The following PLEKHM3 variants were observed in gnomAD, a reference collection of about 807,000 sequenced individuals.
The protein encoded by PLEKHM3 is pleckstrin homology domain-containing family M member 3.
Under a neutral mutation model 81.8 loss-of-function variants are expected in PLEKHM3, and 45 were observed. The observed-to-expected ratio is 0.55, with a 90% CI of 0.43 to 0.71. PLEKHM3 has a LOEUF of 0.71. PLEKHM3 is among the 30% of genes least tolerant of loss of function. PLEKHM3 has a pLI of 0.00. For missense variants in PLEKHM3, 788 were observed against 924.3 expected, an observed-to-expected ratio of 0.85 and a Z score of 1.91; for synonymous variants, 352 against 356.4, an observed-to-expected ratio of 0.99 and a Z score of 0.14.
At chr2:207,896,232 T>C (rs1688218733) in intron 6 of PLEKHM3, among the ~76,000 whole-genome samples, 1 of 152,198 alleles carries the variant, frequency 6.6e-6, no homozygotes, top group Non-Finnish European at 1.5e-5. Context: ...GAAACTGGGA[T>C]TCGAGAAGTA....
intron 6 of PLEKHM3, among the ~76,000 whole-genome samples, chr2:207,867,397 T>C (rs982524902): frequency 6.6e-6 from 1 of 152,240 alleles, no homozygotes; most frequent in Non-Finnish European, 1.5e-5. Flanking sequence ...AAGTTTATTT[T>C]AGAATTTACA....
chr2:207,829,155 A>G (rs918149065), intron 7 of PLEKHM3, among the ~76,000 whole-genome samples: 1 of 152,250 alleles, frequency 6.6e-6, no homozygotes, highest in Admixed American at 6.5e-5. Context: ...TTTTCAAACA[A>G]TATGACAGAT....
At chr2:207,935,071 G>A in intron 4 of PLEKHM3, among the ~76,000 whole-genome samples, 1 of 152,080 alleles carries the variant, frequency 6.6e-6, no homozygotes, top group East Asian at 1.9e-4. Context: ...AATAAAACAC[G>A]AATAAGAAGG....
At position 207,880,762 on chromosome 2, in the gene PLEKHM3, C is replaced by CA. The variant is rs61384566; in HGVS notation, c.1951-19501dup. ...TGGGAGACACAGCGAGACTCTGTCTCAAAAAAAAAAAAAAAAAAAAAAAAA... is the reference window on the plus strand; with the variant it reads ...TGGGAGACACAGCGAGACTCTGTCTCAAAAAAAAAAAAAAAAAAAAAAAAAA... On this transcript the variant is annotated intron_variant, in intron 6 of 7. Coordinates refer to ENST00000427836, the MANE Select transcript of PLEKHM3 (RefSeq NM_001080475.3). 1.1e-3 allele frequency among the ~76,000 whole-genome samples: 8 copies of CA among 6,964 alleles called. 2 individuals are homozygous for CA. The highest frequency in any genetic ancestry group is 1.9e-3 in the African/African-American group (7 of 3,714). The allele number at this position is 6,964 out of a possible 152,430, so 4.6% of individuals were successfully genotyped here.
intron 4 of PLEKHM3, among the ~76,000 whole-genome samples, chr2:207,945,863 T>C (rs1690106406): frequency 6.6e-6 from 1 of 150,796 alleles, no homozygotes; most frequent in Non-Finnish European, 1.5e-5. Context: ...ATCATGCCAC[T>C]GCACTCCAGC....
At chr2:207,965,238 T>C (rs1314450356) in intron 3 of PLEKHM3, among the ~76,000 whole-genome samples, 1 of 152,172 alleles carries the variant, frequency 6.6e-6, no homozygotes, top group Non-Finnish European at 1.5e-5. Context: ...GAAGTCAATG[T>C]GGAATCCAAT....
At chr2:207,866,187 G>A (rs1187448470) in intron 6 of PLEKHM3, among the ~76,000 whole-genome samples, 1 of 151,852 alleles carries the variant, frequency 6.6e-6, no homozygotes, top group African/African-American at 2.4e-5. Context: ...ATGGAGTCTT[G>A]CTCTGTCACC....
intron 6 of PLEKHM3, among the ~76,000 whole-genome samples, chr2:207,892,232 A>T (rs1327086718): frequency 1.3e-5 from 2 of 152,178 alleles, no homozygotes; most frequent in Non-Finnish European, 2.9e-5. Flanking sequence ...TAGACTCCGT[A>T]AGTCATGCAG....
At position 207,825,508 on chromosome 2, in the gene PLEKHM3, T is replaced by C. The variant is rs951241097; in HGVS notation, c.*2811A>G. 1 of 152,150 alleles carries C rather than the reference T, an allele frequency of 6.6e-6. No individual in the cohort carries two copies. The highest frequency in any genetic ancestry group is 2.4e-5 in the African/African-American group (1 of 41,426). The allele number at this position is 152,150 out of a possible 1,614,324, so 9.4% of individuals were successfully genotyped here. A position where few individuals can be genotyped will look rare whatever the true frequency, so the allele number is the denominator to read the frequency against. On this transcript the variant is annotated 3_prime_UTR_variant, in exon 8 of 8. Transcript: ENST00000427836. ...CACAGATTTGCTTTTGTTTCGACAGTTTCTAAGCAGTGGAACAATTACCTA... is the reference window on the plus strand; with the variant it reads ...CACAGATTTGCTTTTGTTTCGACAGCTTCTAAGCAGTGGAACAATTACCTA...
chr2:207,899,188 G>T (rs1688340094), intron 6 of PLEKHM3, among the ~76,000 whole-genome samples: 1 of 152,204 alleles, frequency 6.6e-6, no homozygotes, highest in African/African-American at 2.4e-5. Flanking sequence ...TTACATTTCT[G>T]AATTGGGTGA....
At chr2:207,939,504 G>A (rs1689865094) in intron 4 of PLEKHM3, among the ~76,000 whole-genome samples, 1 of 152,162 alleles carries the variant, frequency 6.6e-6, no homozygotes, top group South Asian at 2.1e-4. Context: ...CAGGGACTAA[G>A]GATCACGAAG....
At position 207,866,258 on chromosome 2, in the gene PLEKHM3, C is replaced by T. The variant is rs150517491; in HGVS notation, c.1951-4996G>A. Among the ~76,000 whole-genome samples the T allele has an allele frequency of 4.0e-3, 615 of 152,154 alleles. 6 individuals carry two copies. Among genetic ancestry groups the T allele is most frequent in the South Asian group, 0.025 (120 of 4,818 alleles). On this transcript the variant is annotated intron_variant, in intron 6 of 7. Coordinates refer to ENST00000427836, the MANE Select transcript of PLEKHM3 (RefSeq NM_001080475.3). ...GCAACCTCTGCCTCCCAGCTTCAAG[C>T]GATTCTCCTGCCTCAGCCTCCCAAG...
intron 4 of PLEKHM3, among the ~76,000 whole-genome samples, chr2:207,932,570 G>A (rs1689629789): frequency 6.6e-6 from 1 of 152,110 alleles, no homozygotes; most frequent in African/African-American, 2.4e-5. Context: ...AGATATATAG[G>A]ATACAGTTCC....
rs766527165 is a variant in PLEKHM3, at chr2:208,001,489, G to A, written c.151C>T (p.Leu51Phe). Residue 51 changes from leucine (L) to phenylalanine (F), a missense_variant, in exon 2 of 8, where the codon CTC (leucine) becomes TTC (phenylalanine). Coordinates refer to ENST00000427836, the MANE Select transcript of PLEKHM3 (RefSeq NM_001080475.3). ...EVPELVGHEVLSNITDNGAMR... is the reference protein window; with the variant it reads ...EVPELVGHEVFSNITDNGAMR... Reference sequence around the variant, plus strand: ...GCACCATTGTCTGTTATGTTACTGAGTACCTCATGCCCCACCAGTTCAGGG... The same window carrying A: ...GCACCATTGTCTGTTATGTTACTGAATACCTCATGCCCCACCAGTTCAGGG... 1.2e-6 allele frequency: 2 copies of A among 1,614,166 alleles called. No individual in the cohort carries two copies. Among genetic ancestry groups the A allele is most frequent in the Non-Finnish European group, 1.7e-6 (2 of 1,180,036 alleles).
At chr2:208,010,540 G>A (rs1441328209) in intron 1 of PLEKHM3, among the ~76,000 whole-genome samples, 1 of 152,108 alleles carries the variant, frequency 6.6e-6, no homozygotes, top group Non-Finnish European at 1.5e-5. Flanking sequence ...CTTTATCTTG[G>A]GACTGAGAGG....
intron 6 of PLEKHM3, among the ~76,000 whole-genome samples, chr2:207,866,824 C>T (rs996989241): frequency 6.6e-6 from 1 of 152,188 alleles, no homozygotes; most frequent in Non-Finnish European, 1.5e-5. Context: ...CTACTTCAGA[C>T]ACCATAAATC....
intron 6 of PLEKHM3, among the ~76,000 whole-genome samples, chr2:207,875,328 C>T (rs2092555002): frequency 6.6e-6 from 1 of 152,074 alleles, no homozygotes; most frequent in Non-Finnish European, 1.5e-5. Flanking sequence ...ATGGAAAAAA[C>T]ACAAATTAAA....
chr2:208,023,345 T>C (rs1344909263), intron 1 of PLEKHM3, among the ~76,000 whole-genome samples: 3 of 152,038 alleles, frequency 2.0e-5, no homozygotes, highest in Non-Finnish European at 4.4e-5. Flanking sequence ...TTCAGTATTG[T>C]TAAGTACATT....
chr2:207,877,433 A>G (rs1164373072), intron 6 of PLEKHM3, among the ~76,000 whole-genome samples: 1 of 152,178 alleles, frequency 6.6e-6, no homozygotes, highest in Non-Finnish European at 1.5e-5. Flanking sequence ...GAGGGAAACC[A>G]TCCACCGGGG....
Sources: gnomAD v4.1 joint callset for allele counts (sites outside exome capture counted in the v4.1 genomes callset) on GRCh38, gnomAD v4.1.1 for gene constraint, MANE v1.5 for transcripts, NCBI Gene and HGNC (gene_info 2026-07-23, HGNC 2026-07-21) for gene names.